DNAL4: variants seen among roughly 807,000 people sequenced by gnomAD.
DNAL4 encodes the protein dynein axonemal light chain 4.
Under a neutral mutation model 12.6 loss-of-function variants are expected in DNAL4, and 10 were observed. The ratio of observed to expected loss-of-function variants is 0.79; its 90% confidence interval spans 0.49 to 1.34. DNAL4 has a LOEUF of 1.34. DNAL4 is among the 40% of genes most tolerant of loss of function. The probability of loss-of-function intolerance (pLI) is 0.00; values close to 1 mark genes in which losing one functional copy is unlikely to be tolerated. For missense variants in DNAL4, 128 were observed against 138.1 expected (o/e 0.93, Z 0.37); for synonymous variants, 46 against 53.1 (o/e 0.87, Z 0.58).
chr22:38,789,265 T>C (rs1014100953), intron 1 of DNAL4, among the ~76,000 whole-genome samples: 3 of 152,180 alleles, frequency 2.0e-5, no homozygotes, highest in Non-Finnish European at 2.9e-5. Flanking sequence ...TCAAAGATTA[T>C]GCTTTTTCTT....
intron 1 of DNAL4, among the ~76,000 whole-genome samples, chr22:38,788,185 G>A (rs1052546539): frequency 6.6e-6 from 1 of 152,122 alleles, no homozygotes; most frequent in Non-Finnish European, 1.5e-5. Context: ...TAAGGACTTG[G>A]GCATTCGTCC....
At position 38,779,487 on chromosome 22, in the gene DNAL4, C is replaced by T. The variant is rs748198441; in HGVS notation, c.280G>A (p.Gly94Arg). Residue 94 changes from glycine (G) to arginine (R), a missense_variant, in exon 4 of 4, where the codon GGG becomes AGG. Gly to Arg is a moderately radical substitution (Grantham distance 125). Transcript: ENST00000216068. The surrounding 1 kb of genome is among the most constrained non-coding windows in gnomAD (Gnocchi z 4.3). ...EVKNLLYLYF[G>R]GTLAVCVWKC... is the part of the protein sequence containing the mutation. ...CAGACGCACACAGCCAGGGTGCCCCCGAAGTACAGGTAGAGGAGGTTCTTC... is the reference window on the plus strand; with the variant it reads ...CAGACGCACACAGCCAGGGTGCCCCTGAAGTACAGGTAGAGGAGGTTCTTC... The T allele has an allele frequency of 6.3e-6, 10 of 1,580,418 alleles. No individual in the cohort carries two copies. The South Asian group carries it at 6.9e-5, about 11-fold the overall frequency.
intron 1 of DNAL4, among the ~76,000 whole-genome samples, chr22:38,787,704 C>T (rs777573999): frequency 6.6e-6 from 1 of 152,234 alleles, no homozygotes. Context: ...ATGTGCAAAC[C>T]ACTGTGGTAG....
At chr22:38,792,519 G>A (rs1288666620) in intron 1 of DNAL4, among the ~76,000 whole-genome samples, 2 of 152,232 alleles carry the variant, frequency 1.3e-5, no homozygotes, top group Non-Finnish European at 2.9e-5. Flanking sequence ...TTGACCTCAG[G>A]TGATCTGCCT....
intron 1 of DNAL4, chr22:38,785,812 C>A (rs1767219449): frequency 6.6e-6 from 1 of 152,224 alleles, no homozygotes; most frequent in Non-Finnish European, 1.5e-5. Context: ...TCTCAGGAAG[C>A]TGTTGCAAGC....
chr22:38,785,922 C>T (rs921539057), intron 1 of DNAL4: 1 of 152,208 alleles, frequency 6.6e-6, no homozygotes, highest in Non-Finnish European at 1.5e-5. Context: ...GACTTGGTCA[C>T]CATGATTCAG....
intron 3 of DNAL4, 38 bp downstream of exon 3, chr22:38,780,888 T>C (rs563778727): frequency 6.2e-7 from 1 of 1,611,932 alleles, no homozygotes; most frequent in East Asian, 2.2e-5. Context: ...ACAGGGGCCA[T>C]CAAAAGCACG....
At chr22:38,786,596 G>A (rs1230871284) in intron 1 of DNAL4, among the ~76,000 whole-genome samples, 1 of 152,014 alleles carries the variant, frequency 6.6e-6, no homozygotes, top group Non-Finnish European at 1.5e-5. Flanking sequence ...AAACAAAACT[G>A]TGCCCACCGC....
At chr22:38,780,534 C>T (rs2093032753) in intron 3 of DNAL4, among the ~76,000 whole-genome samples, 1 of 152,206 alleles carries the variant, frequency 6.6e-6, no homozygotes, top group Admixed American at 6.5e-5. Context: ...CTGGCCGTAT[C>T]CCCAACACCT....
At chr22:38,793,140 G>C (rs1398620396) in intron 1 of DNAL4, among the ~76,000 whole-genome samples, 1 of 152,056 alleles carries the variant, frequency 6.6e-6, no homozygotes, top group Non-Finnish European at 1.5e-5. Context: ...GTTGTTATAT[G>C]GTACATGACT....
intron 1 of DNAL4, among the ~76,000 whole-genome samples, chr22:38,783,336 G>GGGCCTTCCCTCCCACTACACACA: frequency 9.5e-6 from 1 of 104,722 alleles, no homozygotes; most frequent in Non-Finnish European, 2.0e-5. Flanking sequence ...CACTACACAC[G>GGGCCTTCCCTCCCACTACACACA]CGGGCCTTCC....
At chr22:38,790,335 G>A (rs1235942457) in intron 1 of DNAL4, among the ~76,000 whole-genome samples, 1 of 152,168 alleles carries the variant, frequency 6.6e-6, no homozygotes, top group African/African-American at 2.4e-5. Flanking sequence ...GGAGAGTGGT[G>A]GCTTCAGGAA....
Position 38,779,620 on chromosome 22 carries a change from G to A in DNAL4, c.154-7C>T, listed in dbSNP as rs746167211. The A allele has an allele frequency of 2.1e-5, 33 of 1,593,466 alleles. No homozygotes were observed. The Admixed American group carries it at 5.6e-4, about 27-fold the overall frequency. The stretch of plus-strand genomic sequence containing the variant: ...TGATCATCTTGGCGGCGCTCTGGAA[G>A]GAAGAGGGCACTTATCAAGGGGGCG... On this transcript the variant is annotated splice_polypyrimidine_tract_variant and splice_region_variant and intron_variant, in intron 3 of 3. Coordinates refer to ENST00000216068, the MANE Select transcript of DNAL4 (RefSeq NM_005740.3). This position sits in a 1 kb window ranked among gnomAD's most constrained non-coding sequence, Gnocchi z 4.3.
At chr22:38,787,521 C>T (rs997481452) in intron 1 of DNAL4, among the ~76,000 whole-genome samples, 13 of 152,138 alleles carry the variant, frequency 8.5e-5, no homozygotes, top group East Asian at 1.9e-4. Flanking sequence ...GGATTACAGG[C>T]GTGGGCCACT....
At chr22:38,780,253 G>A (rs865793767) in intron 3 of DNAL4, among the ~76,000 whole-genome samples, 1 of 152,168 alleles carries the variant, frequency 6.6e-6, no homozygotes. Context: ...TGTCCCCATC[G>A]TCTCAGTAAA....
chr22:38,791,071 G>A (rs2093049834), intron 1 of DNAL4, among the ~76,000 whole-genome samples: 1 of 151,660 alleles, frequency 6.6e-6, no homozygotes, highest in Non-Finnish European at 1.5e-5. Flanking sequence ...GGAGGCTGAA[G>A]CAGGAGAATC....
chr22:38,788,024 A>G (rs2093045038), intron 1 of DNAL4, among the ~76,000 whole-genome samples: 2 of 152,098 alleles, frequency 1.3e-5, no homozygotes, highest in African/African-American at 4.8e-5. Flanking sequence ...AACACAGATG[A>G]CTTCGATACT....
Position 38,782,711 on chromosome 22 carries a change from C to T in DNAL4, c.21G>A (p.Lys7=). The T allele has an allele frequency of 6.2e-7, 1 of 1,612,022 alleles. No individual in the cohort carries two copies. Among genetic ancestry groups the T allele is most frequent in the Non-Finnish European group, 8.5e-7 (1 of 1,179,098 alleles). Residue 7 remains lysine, a synonymous_variant, in exon 2 of 4, where the codon AAG becomes AAA. Coordinates refer to ENST00000216068, the MANE Select transcript of DNAL4 (RefSeq NM_005740.3). This position sits in a 1 kb window ranked among gnomAD's most constrained non-coding sequence, Gnocchi z 5.1. MGETEG[K]KDEADYKRLQ... is the part of the protein sequence containing the mutation. ...GTCGCTTATAATCAGCCTCATCTTT[C>T]TTCCCTTCTGTTTCTCCCATGATCC...
At position 38,782,543 on chromosome 22, in the gene DNAL4, G is replaced by T; in HGVS notation, c.69+120C>A. On this transcript the variant is annotated intron_variant, in intron 2 of 3. Transcript: ENST00000216068. The surrounding 1 kb of genome is among the most constrained non-coding windows in gnomAD (Gnocchi z 5.1). The stretch of plus-strand genomic sequence containing the variant: ...TCAACTCCAAGATGTCTAGGTCTGA[G>T]CCAGCAGAGCCCTTCTTAACTTCCT... The T allele has an allele frequency of 1.1e-6, 1 of 944,286 alleles. No individual in the cohort carries two copies. The highest frequency in any genetic ancestry group is 1.6e-6 in the Non-Finnish European group (1 of 616,922). The allele number at this position is 944,286 out of a possible 1,614,324, so 58.5% of individuals were successfully genotyped here. A position where few individuals can be genotyped will look rare whatever the true frequency, so the allele number is the denominator to read the frequency against.
Sources: gnomAD v4.1 joint callset for allele counts (sites outside exome capture counted in the v4.1 genomes callset) on GRCh38, gnomAD v4.1.1 for gene constraint, Gnocchi (gnomAD v3.1) non-coding constraint, MANE v1.5 for transcripts, NCBI Gene and HGNC (gene_info 2026-07-23, HGNC 2026-07-21) for gene names.